The following ZFPM2 variants were observed in gnomAD, a reference collection of about 807,000 sequenced individuals.
ZFPM2 encodes the protein zinc finger protein ZFPM2.
In ZFPM2, 20 loss-of-function variants were observed where a neutral mutation model predicts 98.6. The observed-to-expected ratio is 0.20, with a 90% CI of 0.14 to 0.29. The LOEUF (loss-of-function observed/expected upper bound fraction) is 0.29, where lower values mean the gene tolerates loss of function less well. Among genes scored for constraint, ZFPM2 ranks in the 10% least tolerant of loss-of-function variants. The pLI is 1.00. For missense variants in ZFPM2, 1,310 were observed against 1,388.6 expected, an observed-to-expected ratio of 0.94 and a Z score of 0.90; for synonymous variants, 518 against 502.7, an observed-to-expected ratio of 1.03 and a Z score of -0.41.
chr8:105,601,580 A>G (rs756171450), intron 4 of ZFPM2, among the ~76,000 whole-genome samples: 11 of 152,142 alleles, frequency 7.2e-5, no homozygotes, highest in Admixed American at 3.3e-4. Context: ...TAGAGATAAC[A>G]GTATAACCCA....
rs908857555 is a variant in ZFPM2, at chr8:105,467,802, T to C, written c.301+23421T>C. 2.0e-5 allele frequency among the ~76,000 whole-genome samples: 3 copies of C among 152,042 alleles called. No individual in the cohort carries two copies. The South Asian group carries it at 6.2e-4, about 32-fold the overall frequency. On this transcript the variant is annotated intron_variant, in intron 3 of 7. Coordinates refer to ENST00000407775, the MANE Select transcript of ZFPM2 (RefSeq NM_012082.4). The stretch of plus-strand genomic sequence containing the variant: ...AAGAGTGTTCCTATGCATGAAAATA[T>C]GCTACCCCTAGTCTCCAGTCTCCAA...
intron 3 of ZFPM2, among the ~76,000 whole-genome samples, chr8:105,518,728 A>G (rs560501286): frequency 9.8e-5 from 15 of 152,350 alleles, no homozygotes; most frequent in Admixed American, 3.9e-4. Flanking sequence ...TTTGAAAAAT[A>G]TGTACTAGAC....
intron 3 of ZFPM2, among the ~76,000 whole-genome samples, chr8:105,485,466 T>A (rs1301031444): frequency 6.6e-6 from 1 of 152,122 alleles, no homozygotes; most frequent in Non-Finnish European, 1.5e-5. Flanking sequence ...TGCAATGAGC[T>A]ATGATTGTGC....
chr8:105,402,846 A>G (rs1394449485), intron 1 of ZFPM2, among the ~76,000 whole-genome samples: 1 of 152,098 alleles, frequency 6.6e-6, no homozygotes, highest in Non-Finnish European at 1.5e-5. Context: ...TAAAGTCTAT[A>G]GAAATTATAC....
chr8:105,547,542 C>CAAAAAAAAAAA (rs148322534), intron 3 of ZFPM2, among the ~76,000 whole-genome samples: 11 of 47,190 alleles, frequency 2.3e-4, no homozygotes, highest in African/African-American at 5.0e-4. Flanking sequence ...AACTCCATCT[C>CAAAAAAAAAAA]AAAAAAAAAA....
intron 3 of ZFPM2, among the ~76,000 whole-genome samples, chr8:105,557,045 A>G (rs1815011923): frequency 6.6e-6 from 1 of 152,112 alleles, no homozygotes; most frequent in Admixed American, 6.6e-5. Context: ...TCTTACTTTC[A>G]TAAATTTTCA....
intron 1 of ZFPM2, among the ~76,000 whole-genome samples, chr8:105,371,810 C>A (rs1810626740): frequency 6.6e-6 from 1 of 151,840 alleles, no homozygotes; most frequent in East Asian, 1.9e-4. Flanking sequence ...GGATGATTGG[C>A]AAAATTTAAT....
chr8:105,728,759 G>A (rs926283155), intron 5 of ZFPM2, among the ~76,000 whole-genome samples: 3 of 151,772 alleles, frequency 2.0e-5, no homozygotes, highest in African/African-American at 7.3e-5. Context: ...GTTCCCTAAT[G>A]TGTTGATTTA....
At chr8:105,573,955 A>G (rs1174651522) in intron 4 of ZFPM2, among the ~76,000 whole-genome samples, 1 of 152,226 alleles carries the variant, frequency 6.6e-6, no homozygotes, top group East Asian at 1.9e-4. Flanking sequence ...CCTACAACAT[A>G]GAATTGTAAA....
chr8:105,374,295 G>T (rs746483760), intron 1 of ZFPM2, among the ~76,000 whole-genome samples: 4 of 152,094 alleles, frequency 2.6e-5, no homozygotes, highest in Non-Finnish European at 5.9e-5. Flanking sequence ...ATTTATGAAA[G>T]ATACACAACT....
At chr8:105,789,752 TC>T (rs1181316465) in intron 6 of ZFPM2, among the ~76,000 whole-genome samples, 5 of 152,208 alleles carry the variant, frequency 3.3e-5, no homozygotes, top group Non-Finnish European at 7.3e-5. Flanking sequence ...ACCTGTTGTT[TC>T]CTGACTTTTT....
chr8:105,658,360 G>C lies in ZFPM2; in HGVS notation c.532+24003G>C, dbSNP rs1319673900. On this transcript the variant is annotated intron_variant, in intron 5 of 7. Coordinates refer to ENST00000407775, the MANE Select transcript of ZFPM2 (RefSeq NM_012082.4). ...TCCCAGCACTTTGGGAGGCCGAGGCGGGTGGATCACGAGGTCAGGAGATCG... is the reference window on the plus strand; with the variant it reads ...TCCCAGCACTTTGGGAGGCCGAGGCCGGTGGATCACGAGGTCAGGAGATCG... 1.7e-4 allele frequency among the ~76,000 whole-genome samples: 7 copies of C among 42,188 alleles called. 2 individuals are homozygous for C. The highest frequency in any genetic ancestry group is 9.0e-4 in the African/African-American group (7 of 7,776). 27.7% of individuals were successfully genotyped at this position (42,188 alleles called of 152,430 possible).
intron 4 of ZFPM2, among the ~76,000 whole-genome samples, chr8:105,611,700 A>ATT (rs567136494): frequency 3.8e-4 from 55 of 143,594 alleles, no homozygotes; most frequent in South Asian, 1.4e-3. Flanking sequence ...ACAAAAAAAA[A>ATT]TTTTTTTTTT....
chr8:105,572,230 G>A (rs1011310349), intron 4 of ZFPM2, among the ~76,000 whole-genome samples: 15 of 151,618 alleles, frequency 9.9e-5, no homozygotes, highest in African/African-American at 3.4e-4. Context: ...GTAGAGATGG[G>A]GTTTCACCGT....
At position 105,602,855 on chromosome 8, in the gene ZFPM2, G is replaced by A. The variant is rs77897755; in HGVS notation, c.421-31391G>A. The stretch of plus-strand genomic sequence containing the variant: ...ACCAGAGAAGTTCAGAGGCATTCAT[G>A]TCTTTCTTGTTCTTATTGTTGCTTG... On this transcript the variant is annotated intron_variant, in intron 4 of 7. Transcript: ENST00000407775. Among the ~76,000 whole-genome samples, 498 of 152,178 alleles carry A rather than the reference G, an allele frequency of 3.3e-3. 2 individuals are homozygous for A. Among genetic ancestry groups the A allele is most frequent in the African/African-American group, 0.011 (468 of 41,554 alleles).
intron 5 of ZFPM2, among the ~76,000 whole-genome samples, chr8:105,676,613 T>G (rs1265536074): frequency 6.6e-6 from 1 of 152,000 alleles, no homozygotes; most frequent in Non-Finnish European, 1.5e-5. Flanking sequence ...TTGATTATAT[T>G]TTTATATTCT....
Position 105,689,654 on chromosome 8 carries a change from T to C in ZFPM2, c.532+55297T>C, listed in dbSNP as rs139078728. 5.7e-3 allele frequency among the ~76,000 whole-genome samples: 865 copies of C among 152,324 alleles called. 5 individuals carry two copies. Among genetic ancestry groups the C allele is most frequent in the Non-Finnish European group, 7.9e-3 (538 of 68,028 alleles). On this transcript the variant is annotated intron_variant, in intron 5 of 7. Coordinates refer to ENST00000407775, the MANE Select transcript of ZFPM2 (RefSeq NM_012082.4). The stretch of plus-strand genomic sequence containing the variant: ...TTAAGTTGGTGGTGTTCATGTTGGA[T>C]GGTGATGCAGTGGCAACAGCAGTGG...
intron 1 of ZFPM2, among the ~76,000 whole-genome samples, chr8:105,339,710 A>G (rs1326766813): frequency 1.3e-5 from 2 of 151,948 alleles, no homozygotes; most frequent in African/African-American, 4.8e-5. Context: ...AACAAAATCT[A>G]GAGTTTGACA....
chr8:105,733,824 T>C (rs1289190715), intron 5 of ZFPM2, among the ~76,000 whole-genome samples: 16 of 151,858 alleles, frequency 1.1e-4, no homozygotes, highest in Admixed American at 6.6e-5. Context: ...ACTCTAATAA[T>C]ATGGGTTGAA....
Sources: allele counts gnomAD v4.1 joint callset (sites outside exome capture counted in the v4.1 genomes callset), GRCh38; gene constraint gnomAD v4.1.1; transcripts MANE v1.5; gene names NCBI Gene and HGNC (gene_info 2026-07-23, HGNC 2026-07-21).